The following RPAP2 variants were observed in gnomAD, a reference collection of about 807,000 sequenced individuals.
RPAP2 encodes the protein RNA polymerase II associated protein 2.
A neutral mutation model predicts 73.1 loss-of-function variants in RPAP2; 52 were observed. The ratio of observed to expected loss-of-function variants is 0.71; its 90% CI spans 0.57 to 0.90. The LOEUF (loss-of-function observed/expected upper bound fraction) is 0.90. RPAP2 is among the 40% of genes least tolerant of loss of function. RPAP2 has a pLI of 0.00. For missense variants in RPAP2, 598 were observed against 701.8 expected, an observed-to-expected ratio of 0.85 and a Z score of 1.67; for synonymous variants, 225 against 242.1, an observed-to-expected ratio of 0.93 and a Z score of 0.65.
intron 9 of RPAP2, 28 bp downstream of exon 9, chr1:92,333,501 T>C (rs1653097101): frequency 6.8e-7 from 1 of 1,480,116 alleles, no homozygotes; most frequent in Non-Finnish European, 9.4e-7. Context: ...ATTCCAGCTT[T>C]GTAGTAGTTT....
At chr1:92,322,353 T>G (rs1652327404) in intron 7 of RPAP2, among the ~76,000 whole-genome samples, 2 of 150,766 alleles carry the variant, frequency 1.3e-5, no homozygotes, top group African/African-American at 4.9e-5. Context: ...GAGACCAGCC[T>G]GGCCAACATG....
In RPAP2 at chr1:92,388,171, A is replaced by G. The variant is rs766159403; in HGVS notation, c.*1160A>G. ...TGAAATAAAGAAAATTGTGTTCACA[A>G]TATCACCAAAGAGAATTAAATACTT... On this transcript the variant is annotated 3_prime_UTR_variant, in exon 13 of 13. Transcript: ENST00000610020. 17 of 152,240 alleles carry G rather than the reference A, an allele frequency of 1.1e-4. No individual in the cohort carries two copies. Among genetic ancestry groups the G allele is most frequent in the Non-Finnish European group, 1.8e-4 (12 of 68,048 alleles). The allele number at this position is 152,240 out of a possible 1,614,324, so 9.4% of individuals were successfully genotyped here.
At position 92,397,021 on chromosome 1, in the gene RPAP2, C is replaced by T. The variant is rs1451476378; in HGVS notation, c.*10010C>T. 1 of 151,994 alleles carries T rather than the reference C, an allele frequency of 6.6e-6. No homozygotes were observed. Among genetic ancestry groups the T allele is most frequent in the Non-Finnish European group, 1.5e-5 (1 of 68,020 alleles). The allele number at this position is 151,994 out of a possible 1,614,324, so 9.4% of individuals were successfully genotyped here. A position where few individuals can be genotyped will look rare whatever the true frequency, so the allele number is the denominator to read the frequency against. ...TAAAGTTTATGTGTATAAATTATAC[C>T]TTAATAAAGCTATTAAAAGTCAAAG... is the stretch of plus-strand genomic sequence containing the variant. On this transcript the variant is annotated 3_prime_UTR_variant, in exon 13 of 13. Transcript: ENST00000610020.
Position 92,388,135 on chromosome 1 carries a change from A to G in RPAP2, c.*1124A>G, listed in dbSNP as rs1655930349. On this transcript the variant is annotated 3_prime_UTR_variant, in exon 13 of 13. Transcript: ENST00000610020. ...ATCAATTGTATTTTTCTGTTCAGAA[A>G]ACTCCAAAAATGAAATAAAGAAAAT... is the stretch of plus-strand genomic sequence containing the variant. 1 of 152,244 alleles carries G rather than the reference A, an allele frequency of 6.6e-6. No homozygotes were observed. Among genetic ancestry groups the G allele is most frequent in the Non-Finnish European group, 1.5e-5 (1 of 68,048 alleles). The allele number at this position is 152,244 out of a possible 1,614,324, so 9.4% of individuals were successfully genotyped here.
At chr1:92,381,920 AC>A (rs1469549254) in intron 12 of RPAP2, among the ~76,000 whole-genome samples, 5 of 53,052 alleles carry the variant, frequency 9.4e-5, no homozygotes, top group Non-Finnish European at 7.2e-5. Context: ...TCCCTCCCCC[AC>A]CCCCCACCCC....
intron 11 of RPAP2, among the ~76,000 whole-genome samples, chr1:92,375,934 A>C (rs1267532795): frequency 6.7e-6 from 1 of 148,780 alleles, no homozygotes; most frequent in Non-Finnish European, 1.5e-5. Flanking sequence ...CAGGAGGCAG[A>C]GGTTGCAGTG....
chr1:92,342,471 C>G (rs970473371), intron 10 of RPAP2, among the ~76,000 whole-genome samples: 4 of 152,164 alleles, frequency 2.6e-5, no homozygotes, highest in Non-Finnish European at 5.9e-5. Flanking sequence ...TATGATCATT[C>G]TTTGACCTTT....
chr1:92,308,437 C>G (rs1651377651), intron 6 of RPAP2, among the ~76,000 whole-genome samples: 1 of 152,152 alleles, frequency 6.6e-6, no homozygotes, highest in Non-Finnish European at 1.5e-5. Flanking sequence ...CTGCCCAGTA[C>G]TTCCCCAGTC....
Position 92,357,094 on chromosome 1 carries a change from T to TACACACACAC in RPAP2, c.1688+11198_1688+11207dup, listed in dbSNP as rs34488806. On this transcript the variant is annotated intron_variant, in intron 11 of 12. Transcript: ENST00000610020. Reference sequence around the variant, plus strand: ...AAAAAAAAAGAAAAAAAGGATTACATACACACACACACACACACACACACA... The same window carrying TACACACACAC: ...AAAAAAAAAGAAAAAAAGGATTACATACACACACACACACACACACACACACACACACACA... Among the ~76,000 whole-genome samples the TACACACACAC allele has an allele frequency of 5.5e-4, 80 of 144,844 alleles. 1 individual carries two copies. Among genetic ancestry groups the TACACACACAC allele is most frequent in the African/African-American group, 2.0e-3 (77 of 39,412 alleles).
intron 11 of RPAP2, among the ~76,000 whole-genome samples, chr1:92,377,534 A>G (rs1655435160): frequency 6.6e-6 from 1 of 151,692 alleles, no homozygotes; most frequent in Non-Finnish European, 1.5e-5. Context: ...AAAAAAAAAA[A>G]AAAAAAGAAT....
At chr1:92,299,199 C>A in intron 1 of RPAP2, 53 bp downstream of exon 1, 3 of 1,187,830 alleles carry the variant, frequency 2.5e-6, no homozygotes, top group Non-Finnish European at 3.5e-6. Flanking sequence ...GGGCCCCGAT[C>A]TCGAGTTATA....
chr1:92,377,392 G>A (rs1220386307), intron 11 of RPAP2, among the ~76,000 whole-genome samples: 3 of 151,922 alleles, frequency 2.0e-5, no homozygotes, highest in Non-Finnish European at 4.4e-5. Context: ...GGTGGCACAC[G>A]CCTGTAGTCC....
At chr1:92,354,781 C>T (rs930379517) in intron 11 of RPAP2, among the ~76,000 whole-genome samples, 4 of 151,564 alleles carry the variant, frequency 2.6e-5, no homozygotes, top group African/African-American at 9.7e-5. Context: ...TTTTTTGTTT[C>T]TCTTGGAAGT....
chr1:92,311,277 G>T (rs1651582265), intron 6 of RPAP2, among the ~76,000 whole-genome samples: 1 of 152,116 alleles, frequency 6.6e-6, no homozygotes, highest in Non-Finnish European at 1.5e-5. Context: ...TGGTTCTAAT[G>T]ATTTACAGTT....
At chr1:92,379,380 C>T (rs970719789) in intron 11 of RPAP2, among the ~76,000 whole-genome samples, 3 of 151,986 alleles carry the variant, frequency 2.0e-5, no homozygotes, top group South Asian at 4.1e-4. Flanking sequence ...AACTCTGAGA[C>T]GCATACTCTC....
chr1:92,307,957 G>T (rs545096223), intron 6 of RPAP2, among the ~76,000 whole-genome samples: 229 of 152,170 alleles, frequency 1.5e-3, no homozygotes, highest in African/African-American at 5.3e-3. Flanking sequence ...ATAAATTCAT[G>T]TTTGAAAGAG....
intron 11 of RPAP2, among the ~76,000 whole-genome samples, chr1:92,370,701 C>CT (rs1305127537): frequency 6.6e-6 from 1 of 151,436 alleles, no homozygotes; most frequent in South Asian, 2.1e-4. Context: ...TTTGGTGAGA[C>CT]TTTAAAAAAA....
At chr1:92,366,151 G>A (rs1469663722) in intron 11 of RPAP2, among the ~76,000 whole-genome samples, 2 of 152,120 alleles carry the variant, frequency 1.3e-5, no homozygotes, top group African/African-American at 2.4e-5. Context: ...GTATCTGAAT[G>A]TTTTAGCCGG....
chr1:92,379,894 A>G (rs886351824), intron 11 of RPAP2, among the ~76,000 whole-genome samples: 3 of 151,486 alleles, frequency 2.0e-5, no homozygotes, highest in Middle Eastern at 3.2e-3. Flanking sequence ...GCACCACTGC[A>G]TTCCAGCCTG....
Sources: gnomAD v4.1 joint callset for allele counts (sites outside exome capture counted in the v4.1 genomes callset) on GRCh38, gnomAD v4.1.1 for gene constraint, MANE v1.5 for transcripts, NCBI Gene and HGNC (gene_info 2026-07-23, HGNC 2026-07-21) for gene names.